TNRC6A: variants seen among roughly 807,000 people sequenced by gnomAD.
TNRC6A encodes trinucleotide repeat containing adaptor 6A.
Under a neutral mutation model 221.2 loss-of-function variants are expected in TNRC6A, and 44 were observed. That is an observed-to-expected ratio of 0.20 (90% CI 0.16 to 0.26). The LOEUF is 0.26. TNRC6A is among the 10% of genes least tolerant of loss of function. The probability of loss-of-function intolerance (pLI) is 1.00; values close to 1 mark genes in which losing one functional copy is unlikely to be tolerated. For synonymous variants in TNRC6A, 847 were observed against 838.5 expected, an observed-to-expected ratio of 1.01 and a Z score of -0.18; for missense variants, 2,199 against 2,404.4, an observed-to-expected ratio of 0.91 and a Z score of 1.79.
In TNRC6A at chr16:24,796,431, C is replaced by T. The variant is rs72770413; in HGVS notation, c.3561+492C>T. On this transcript the variant is annotated intron_variant, in intron 9 of 24. Transcript: ENST00000395799. ...ATAAATTGGTGCAGAGGGGAGACCA[C>T]AGTTAGGGATCTCAGGGAGCATCTG... is the stretch of plus-strand genomic sequence containing the variant. The T allele has an allele frequency of 8.1e-3, 1,236 of 152,772 alleles. 10 individuals carry two copies. Among genetic ancestry groups the T allele is most frequent in the Middle Eastern group, 0.041 (12 of 294 alleles). The allele number at this position is 152,772 out of a possible 1,614,324, so 9.5% of individuals were successfully genotyped here.
chr16:24,780,663 G>A (rs925288584), intron 5 of TNRC6A, among the ~76,000 whole-genome samples: 7 of 152,062 alleles, frequency 4.6e-5, no homozygotes, highest in East Asian at 3.8e-4. Flanking sequence ...GAATACCTGC[G>A]AGTTTTTTCT....
rs1213143304 is a variant in TNRC6A at position 24,805,589 on chromosome 16, C to A, written c.4123-16C>A. 1 of 1,613,602 alleles carries A rather than the reference C, an allele frequency of 6.2e-7. No individual in the cohort carries two copies. The highest frequency in any genetic ancestry group is 1.1e-5 in the South Asian group (1 of 90,958). ...TTATTTTATCAAGATCATTAACTTA[C>A]CATTGTGATCCTAAGGTTCCAGTTT... On this transcript the variant is annotated splice_polypyrimidine_tract_variant and intron_variant, in intron 14 of 24. Transcript: ENST00000395799.
At chr16:24,786,194 A>G (rs138205807) in intron 5 of TNRC6A, among the ~76,000 whole-genome samples, 2,798 of 152,348 alleles carry the variant, frequency 0.018, 45 homozygotes, top group Non-Finnish European at 0.028. Context: ...AGATAGGACT[A>G]AAAGATGATA....
intron 2 of TNRC6A, among the ~76,000 whole-genome samples, chr16:24,723,867 TAC>T (rs1228020440): frequency 3.9e-5 from 6 of 152,200 alleles, no homozygotes; most frequent in Admixed American, 3.9e-4. Context: ...TCAGCATAAC[TAC>T]AGTTCTTGAT....
At chr16:24,794,474 T>C in intron 7 of TNRC6A, 70 bp from the exon 8 acceptor site, 1 of 1,510,164 alleles carries the variant, frequency 6.6e-7, no homozygotes, top group South Asian at 1.3e-5. Flanking sequence ...ATTTTTAATA[T>C]ATACTTATTC....
chr16:24,646,817 A>G (rs1443034637), intron 2 of TNRC6A, among the ~76,000 whole-genome samples: 2 of 152,168 alleles, frequency 1.3e-5, no homozygotes, highest in East Asian at 1.9e-4. Flanking sequence ...AAATTGTGCA[A>G]TTTTCCAAAA....
chr16:24,781,043 C>CTTTTTTT lies in TNRC6A; in HGVS notation c.589+3704_589+3710dup, dbSNP rs35502747. Among the ~76,000 whole-genome samples the CTTTTTTT allele has an allele frequency of 1.2e-3, 64 of 53,426 alleles. 7 individuals carry two copies. Among genetic ancestry groups the CTTTTTTT allele is most frequent in the South Asian group, 3.7e-3 (4 of 1,084 alleles). 35.0% of individuals were successfully genotyped at this position (53,426 alleles called of 152,430 possible). ...AAAAATTTTCTTAAGCCTCCATACT[C>CTTTTTTT]TTTTTTTTTTTTTTTTTTTTTTTTT... On this transcript the variant is annotated intron_variant, in intron 5 of 24. Coordinates refer to ENST00000395799, the MANE Select transcript of TNRC6A (RefSeq NM_014494.4).
chr16:24,816,911 A>G lies in TNRC6A; in HGVS notation c.4927A>G (p.Ile1643Val), dbSNP rs201593101. The change falls in exon 20 of 25, where the codon ATT becomes GTT. Residue 1643 changes from isoleucine to valine, a missense_variant. Transcript: ENST00000395799. ...TGGCAGTGTCATAAACAATCTTTCA[A>G]TTAATACTGTGCGGGAAGTTGACCA... ...TPGSVINNLS[I>V]NTVREVDHLR... 5.1e-5 allele frequency: 83 copies of G among 1,614,200 alleles called. No homozygotes were observed. The highest frequency in any genetic ancestry group is 1.6e-4 in the Middle Eastern group (1 of 6,062).
At chr16:24,651,184 CAA>C (rs551269541) in intron 2 of TNRC6A, among the ~76,000 whole-genome samples, 31,243 of 111,612 alleles carry the variant, frequency 0.28, 3,277 homozygotes, top group African/African-American at 0.32. Context: ...CTGGGTATGG[CAA>C]AAAAAAAAAA....
intron 17 of TNRC6A, among the ~76,000 whole-genome samples, chr16:24,807,140 G>A (rs557361453): frequency 6.6e-6 from 1 of 151,886 alleles, no homozygotes; most frequent in South Asian, 2.1e-4. Context: ...CGAGTAGCTG[G>A]GATTACAGGC....
intron 2 of TNRC6A, among the ~76,000 whole-genome samples, chr16:24,654,407 A>G (rs185387501): frequency 1.3e-3 from 199 of 152,298 alleles, no homozygotes; most frequent in Admixed American, 2.4e-3. Flanking sequence ...AATAGTCCCT[A>G]TAAGAATCAC....
At chr16:24,815,109 A>C in intron 18 of TNRC6A, 38 bp from the exon 19 acceptor site, 1 of 1,596,944 alleles carries the variant, frequency 6.3e-7, no homozygotes. Context: ...ATCTGTGTGT[A>C]TTTTGCTCAC....
chr16:24,805,271 C>A, intron 14 of TNRC6A, 120 bp downstream of exon 14: 1 of 1,380,078 alleles, frequency 7.2e-7, no homozygotes, highest in Non-Finnish European at 9.9e-7. Context: ...TGAGATTCAG[C>A]TAGTTTTGAA....
chr16:24,728,641 T>C (rs1179229732), upstream of TNRC6A, among the ~76,000 whole-genome samples: 1 of 152,196 alleles, frequency 6.6e-6, no homozygotes, highest in East Asian at 1.9e-4. Context: ...CACACGCAAG[T>C]GAAAATATGT....
In TNRC6A at chr16:24,637,253, G is replaced by A. The variant is rs191590272; in HGVS notation, n.277-3631G>A. Among the ~76,000 whole-genome samples the A allele has an allele frequency of 4.3e-4, 66 of 152,104 alleles. 1 individual carries two copies. In the East Asian group the frequency reaches 0.011, roughly 26 times the overall value. ...TCACCATGTTGCTCAGGCTGGTCTC[G>A]AACTCCTGGCCTCAAGCGATCTGCC... On this transcript the variant is annotated intron_variant and non_coding_transcript_variant, in intron 1 of 2. Coordinates refer to the TNRC6A transcript ENST00000566108.
At chr16:24,818,998 TAA>T (rs570977428) in intron 21 of TNRC6A, among the ~76,000 whole-genome samples, 8 of 142,304 alleles carry the variant, frequency 5.6e-5, no homozygotes, top group African/African-American at 1.5e-4. Context: ...GGAGGATCTT[TAA>T]AAAAAAAAAA....
rs185911821 is a variant in TNRC6A, at chr16:24,745,940, C to T, written c.54-4786C>T. Reference sequence around the variant, plus strand: ...AACAGTCTTCTCACCCTTGTTTTTGCCAATTTATTGCCTATTCTTACCCAA... The same window carrying T: ...AACAGTCTTCTCACCCTTGTTTTTGTCAATTTATTGCCTATTCTTACCCAA... On this transcript the variant is annotated intron_variant, in intron 2 of 24. Coordinates refer to ENST00000395799, the MANE Select transcript of TNRC6A (RefSeq NM_014494.4). Among the ~76,000 whole-genome samples the T allele has an allele frequency of 2.3e-3, 351 of 152,204 alleles. 1 individual carries two copies. Among genetic ancestry groups the T allele is most frequent in the African/African-American group, 8.1e-3 (335 of 41,526 alleles).
chr16:24,729,516 T>G (rs1308301457), upstream of TNRC6A, among the ~76,000 whole-genome samples: 1 of 151,158 alleles, frequency 6.6e-6, no homozygotes, highest in Non-Finnish European at 1.5e-5. Context: ...TCCAGGGAGG[T>G]CCGGCTGGGT....
intron 2 of TNRC6A, among the ~76,000 whole-genome samples, chr16:24,674,440 T>C (rs1328495278): frequency 6.6e-6 from 1 of 152,052 alleles, no homozygotes; most frequent in African/African-American, 2.4e-5. Context: ...AATAAAATAG[T>C]ATGAAATGAT....
Sources: gnomAD v4.1 joint callset for allele counts (sites outside exome capture counted in the v4.1 genomes callset) on GRCh38, gnomAD v4.1.1 for gene constraint, MANE v1.5 for transcripts, NCBI Gene and HGNC (gene_info 2026-07-23, HGNC 2026-07-21) for gene names.